Variants in PDZD2 observed in about 807,000 individuals in gnomAD.
PDZD2 encodes the protein PDZ domain-containing protein 2.
In PDZD2, 90 loss-of-function variants were observed where a neutral mutation model predicts 220.7. That is an observed-to-expected ratio of 0.41 (90% CI 0.34 to 0.49). PDZD2 has a LOEUF of 0.49. Ranked by LOEUF, PDZD2 falls within the 20% of genes least tolerant of loss-of-function variation. The pLI is 0.28. For synonymous variants in PDZD2, 1,375 were observed against 1,450.5 expected (o/e 0.95, Z 1.18); for missense variants, 3,174 against 3,608.5 (o/e 0.88, Z 3.08).
intron 2 of PDZD2, among the ~76,000 whole-genome samples, chr5:31,946,098 G>T (rs969528119): frequency 1.7e-4 from 26 of 152,208 alleles, no homozygotes; most frequent in Non-Finnish European, 3.4e-4. Flanking sequence ...TGCCTCTCAG[G>T]TTCAAGGGAT....
chr5:31,873,373 G>C (rs1267815703), intron 2 of PDZD2, among the ~76,000 whole-genome samples: 1 of 151,742 alleles, frequency 6.6e-6, no homozygotes, highest in African/African-American at 2.4e-5. Context: ...GGTGAAGGCT[G>C]CAGTGAGTCA....
chr5:31,959,744 C>T (rs886559050), intron 2 of PDZD2, among the ~76,000 whole-genome samples: 2 of 152,180 alleles, frequency 1.3e-5, no homozygotes, highest in African/African-American at 2.4e-5. Flanking sequence ...AGCAAACCAC[C>T]ACAAATTGGA....
chr5:31,993,760 C>A (rs1469430112), intron 3 of PDZD2, among the ~76,000 whole-genome samples: 1 of 152,118 alleles, frequency 6.6e-6, no homozygotes, highest in East Asian at 1.9e-4. Context: ...GACTCAGGCC[C>A]ATATAGCTAG....
At chr5:31,865,822 T>G (rs1413671341) in intron 2 of PDZD2, among the ~76,000 whole-genome samples, 3 of 150,544 alleles carry the variant, frequency 2.0e-5, no homozygotes, top group African/African-American at 7.3e-5. Context: ...TAGTAGAGGC[T>G]GGGTTTCACC....
At chr5:32,037,110 T>G (rs1755619476) in intron 6 of PDZD2, 121 bp from the exon 7 acceptor site, 2 of 648,748 alleles carry the variant, frequency 3.1e-6, no homozygotes, top group African/African-American at 1.8e-5. Context: ...CCGTGGTCCT[T>G]CTTCTCACAT....
At chr5:31,860,255 C>G (rs1032789764) in intron 2 of PDZD2, among the ~76,000 whole-genome samples, 3 of 152,146 alleles carry the variant, frequency 2.0e-5, no homozygotes, top group Non-Finnish European at 4.4e-5. Context: ...AGAATTTCAG[C>G]CTTCACTTGG....
intron 2 of PDZD2, among the ~76,000 whole-genome samples, chr5:31,964,712 C>CT (rs1364281438): frequency 2.6e-5 from 4 of 152,036 alleles, no homozygotes; most frequent in East Asian, 3.9e-4. Flanking sequence ...CGGTTTTTGC[C>CT]TTTTTTTTAT....
rs1745323886 is a variant in PDZD2 at position 32,110,848 on chromosome 5, TCAC to T, written c.*2716_*2718del. Reference sequence around the variant, plus strand: ...TAGCCTGTACATTTTAAAAATGTTGTCACCAAGTTATATAAATCCACATCTCTG... The same window carrying T: ...TAGCCTGTACATTTTAAAAATGTTGTCAAGTTATATAAATCCACATCTCTG... On this transcript the variant is annotated 3_prime_UTR_variant, in exon 25 of 25. Coordinates refer to ENST00000438447, the MANE Select transcript of PDZD2 (RefSeq NM_178140.4). 6.6e-6 allele frequency: 1 copy of T among 152,450 alleles called. No homozygotes were observed. Among genetic ancestry groups the T allele is most frequent in the Non-Finnish European group, 1.5e-5 (1 of 68,028 alleles). 9.4% of individuals were successfully genotyped at this position (152,450 alleles called of 1,614,324 possible). A position where few individuals can be genotyped will look rare whatever the true frequency, so the allele number is the denominator to read the frequency against.
intron 1 of PDZD2, among the ~76,000 whole-genome samples, chr5:31,734,818 G>C (rs1302889623): frequency 6.6e-6 from 1 of 152,132 alleles, no homozygotes; most frequent in Non-Finnish European, 1.5e-5. Context: ...TCAGCCACCA[G>C]TCATCTCATT....
intron 1 of PDZD2, among the ~76,000 whole-genome samples, chr5:31,655,805 C>T (rs778452317): frequency 4.9e-4 from 74 of 152,346 alleles, no homozygotes; most frequent in Non-Finnish European, 7.9e-4. Flanking sequence ...GCATTGCAAA[C>T]CACTGCCTTC....
chr5:31,717,471 A>G (rs71627321), intron 1 of PDZD2, among the ~76,000 whole-genome samples: 6,120 of 152,278 alleles, frequency 0.04, 158 homozygotes, highest in Non-Finnish European at 0.058. Flanking sequence ...TACCAGAGAA[A>G]GGTGCCAGTA....
chr5:31,733,862 C>T (rs1044634502), intron 1 of PDZD2, among the ~76,000 whole-genome samples: 1 of 152,232 alleles, frequency 6.6e-6, no homozygotes, highest in Non-Finnish European at 1.5e-5. Context: ...TCTTCATACA[C>T]ATGAATTCTC....
At position 31,799,263 on chromosome 5, in the gene PDZD2, G is replaced by T; in HGVS notation, c.15G>T (p.Gln5His). MPITQDNAVLHLPLL... is the reference protein window; with the variant it reads MPITHDNAVLHLPLL... Reference sequence around the variant, plus strand: ...GAGTGAGCACCATGCCCATCACCCAGGACAATGCCGTGCTGCACCTGCCCC... The same window carrying T: ...GAGTGAGCACCATGCCCATCACCCATGACAATGCCGTGCTGCACCTGCCCC... The change falls in exon 2 of 25, where the codon CAG (glutamine) becomes CAT (histidine). Residue 5 changes from glutamine to histidine, a missense_variant. Transcript: ENST00000438447. The T allele has an allele frequency of 6.2e-7, 1 of 1,603,436 alleles. No individual in the cohort carries two copies. Among genetic ancestry groups the T allele is most frequent in the East Asian group, 2.2e-5 (1 of 44,760 alleles).
intron 2 of PDZD2, among the ~76,000 whole-genome samples, chr5:31,870,618 T>A (rs1029651521): frequency 6.6e-6 from 1 of 152,164 alleles, no homozygotes; most frequent in Non-Finnish European, 1.5e-5. Flanking sequence ...CCAGGCGTGG[T>A]GGCTCACGCG....
At chr5:31,856,659 G>C (rs1015304530) in intron 2 of PDZD2, among the ~76,000 whole-genome samples, 2 of 152,118 alleles carry the variant, frequency 1.3e-5, no homozygotes, top group East Asian at 3.9e-4. Context: ...TTGAGCCTCT[G>C]TTCCTGCTAA....
At chr5:31,756,381 T>C (rs1751309248) in intron 1 of PDZD2, among the ~76,000 whole-genome samples, 1 of 152,210 alleles carries the variant, frequency 6.6e-6, no homozygotes, top group African/African-American at 2.4e-5. Context: ...TTCCCAGCAC[T>C]ACCAATGCGT....
chr5:31,978,443 G>C (rs1010290224), intron 2 of PDZD2, among the ~76,000 whole-genome samples: 1 of 152,200 alleles, frequency 6.6e-6, no homozygotes, highest in Non-Finnish European at 1.5e-5. Context: ...AGAATGGCCA[G>C]GCATGGTGGC....
chr5:31,695,725 C>T (rs1747351718), intron 1 of PDZD2, among the ~76,000 whole-genome samples: 1 of 152,164 alleles, frequency 6.6e-6, no homozygotes, highest in South Asian at 2.1e-4. Context: ...GGGGCAGCCT[C>T]TTTTTATTTG....
At chr5:31,897,490 G>A (rs528585880) in intron 2 of PDZD2, among the ~76,000 whole-genome samples, 2 of 152,244 alleles carry the variant, frequency 1.3e-5, no homozygotes, top group East Asian at 1.9e-4. Context: ...ATGTGTGTTC[G>A]GAAGAATCAC....
Sources: gnomAD v4.1 joint callset for allele counts (sites outside exome capture counted in the v4.1 genomes callset) on GRCh38, gnomAD v4.1.1 for gene constraint, MANE v1.5 for transcripts, NCBI Gene and HGNC (gene_info 2026-07-23, HGNC 2026-07-21) for gene names.